Variants in AGL observed in about 807,000 individuals in gnomAD.
AGL encodes glycogen debranching enzyme.
In AGL, 128 loss-of-function variants were observed where a neutral mutation model predicts 199.3. The ratio of observed to expected loss-of-function variants is 0.64; its 90% CI spans 0.56 to 0.74. The LOEUF is 0.74. Ranked by LOEUF, AGL falls within the 30% of genes least tolerant of loss-of-function variation. The pLI, the probability that AGL is intolerant of heterozygous loss-of-function variation, is 0.00. For missense variants in AGL, 1,809 were observed against 1,820.8 expected, an observed-to-expected ratio of 0.99 and a Z score of 0.12; for synonymous variants, 584 against 594.7, an observed-to-expected ratio of 0.98 and a Z score of 0.26.
At position 99,884,572 on chromosome 1, in the gene AGL, T is replaced by C. The variant is rs750784772; in HGVS notation, c.2550T>C (p.Val850=). Residue 850 remains valine (V), a synonymous_variant, in exon 20 of 34, where the codon GTT becomes GTC. Coordinates refer to ENST00000361915, the MANE Select transcript of AGL (RefSeq NM_000642.3). ...ACTTTTTAATTAACATTTTCAGAGT[T>C]AGTCTTGATCCACATGCACAAGTCG... ...LSPGSVIIFR[V]SLDPHAQVAV... The C allele has an allele frequency of 1.2e-6, 2 of 1,613,842 alleles. No homozygotes were observed. Among genetic ancestry groups the C allele is most frequent in the South Asian group, 1.1e-5 (1 of 91,080 alleles).
At chr1:99,909,006 C>T (rs1654531139) in intron 27 of AGL, among the ~76,000 whole-genome samples, 1 of 152,088 alleles carries the variant, frequency 6.6e-6, no homozygotes. Context: ...ACTTCCTATA[C>T]AGCTTTAAAG....
At chr1:99,905,305 T>C (rs146152151) in intron 27 of AGL, among the ~76,000 whole-genome samples, 19 of 152,292 alleles carry the variant, frequency 1.2e-4, no homozygotes, top group Middle Eastern at 3.4e-3. Context: ...CAAACGATTC[T>C]TGTACCTCAG....
At chr1:99,909,218 A>G (rs1570501299) in intron 27 of AGL, among the ~76,000 whole-genome samples, 1 of 151,754 alleles carries the variant, frequency 6.6e-6, no homozygotes, top group Non-Finnish European at 1.5e-5. Flanking sequence ...CTCCCCACCC[A>G]GTTTGTGCTA....
intron 28 of AGL, 120 bp downstream of exon 28, chr1:99,910,967 C>T (rs370275144): frequency 9.8e-7 from 1 of 1,017,948 alleles, no homozygotes. Flanking sequence ...AATTTCCCTG[C>T]CTTCTTCCCT....
intron 27 of AGL, among the ~76,000 whole-genome samples, chr1:99,905,106 A>C (rs1002416207): frequency 2.6e-5 from 4 of 152,114 alleles, no homozygotes; most frequent in Admixed American, 1.3e-4. Context: ...CAAACTGGAG[A>C]GATCCAGTTT....
intron 21 of AGL, among the ~76,000 whole-genome samples, chr1:99,889,317 G>A (rs1311380381): frequency 6.6e-6 from 1 of 152,138 alleles, no homozygotes; most frequent in Middle Eastern, 3.2e-3. Flanking sequence ...AAGCACGTAA[G>A]CGGTTCTCAA....
intron 17 of AGL, 70 bp downstream of exon 17, chr1:99,881,761 G>T (rs1652051838): frequency 7.8e-7 from 1 of 1,285,330 alleles, no homozygotes; most frequent in Admixed American, 2.0e-5. Context: ...GTAATGTTAT[G>T]GTTATATATC....
In AGL at chr1:99,879,997, T is replaced by G; in HGVS notation, c.1686T>G (p.Asp562Glu). 2 of 1,613,802 alleles carry G rather than the reference T, an allele frequency of 1.2e-6. No homozygotes were observed. Among genetic ancestry groups the G allele is most frequent in the Non-Finnish European group, 1.7e-6 (2 of 1,179,820 alleles). ...CTGAACTGTTCACAGGAAGTGAAGA[T>G]CTGGACAATGTCTTTGTTACTAGAC... ...VVAELFTGSEDLDNVFVTRLG... is the reference protein window; with the variant it reads ...VVAELFTGSEELDNVFVTRLG... Residue 562 changes from aspartate to glutamate, a missense_variant, in exon 13 of 34, where the codon GAT (aspartate) becomes GAG (glutamate). Physicochemically the swap from Asp to Glu is conservative, Grantham distance 45 (BLOSUM62 2). Coordinates refer to ENST00000361915, the MANE Select transcript of AGL (RefSeq NM_000642.3).
In AGL at chr1:99,892,509, C is replaced by T. The variant is rs1339862156; in HGVS notation, c.3161C>T (p.Pro1054Leu). ...SVQLCGVGKF[P>L]SLPILSPALM... ...CAACTGTGTGGAGTAGGAAAATTCCCTTCCCTGCCAATTCTTTCACCTGCC... is the reference window on the plus strand; with the variant it reads ...CAACTGTGTGGAGTAGGAAAATTCCTTTCCCTGCCAATTCTTTCACCTGCC... The change falls in exon 24 of 34, where the codon CCT becomes CTT. Residue 1054 changes from proline to leucine, a missense_variant. Coordinates refer to ENST00000361915, the MANE Select transcript of AGL (RefSeq NM_000642.3). 2 of 1,613,620 alleles carry T rather than the reference C, an allele frequency of 1.2e-6. No individual in the cohort carries two copies. Among genetic ancestry groups the T allele is most frequent in the East Asian group, 2.2e-5 (1 of 44,808 alleles).
In AGL at chr1:99,870,568, A is replaced by T. The variant is rs1557754482; in HGVS notation, c.833A>T (p.Asp278Val). The change falls in exon 6 of 34, where the codon GAT becomes GTT. Residue 278 changes from aspartate (D) to valine (V), a missense_variant. Physicochemically the swap from Asp to Val is radical, Grantham distance 152. Coordinates refer to ENST00000361915, the MANE Select transcript of AGL (RefSeq NM_000642.3). Reference sequence around the variant, plus strand: ...GGAATACCTGCTTTGATTGAAAATGATCACCATATGAATGTCAGTATGTAC... The same window carrying T: ...GGAATACCTGCTTTGATTGAAAATGTTCACCATATGAATGTCAGTATGTAC... ...EKGIPALIEN[D>V]HHMNSIRKII... 1 of 1,614,064 alleles carries T rather than the reference A, an allele frequency of 6.2e-7. No homozygotes were observed. Among genetic ancestry groups the T allele is most frequent in the Non-Finnish European group, 8.5e-7 (1 of 1,179,956 alleles).
Position 99,864,538 on chromosome 1 carries a change from A to G in AGL, c.613A>G (p.Lys205Glu), listed in dbSNP as rs562042076. 2.5e-6 allele frequency: 4 copies of G among 1,613,970 alleles called. No homozygotes were observed. The East Asian group carries it at 6.7e-5, about 27-fold the overall frequency. The change falls in exon 5 of 34, where the codon AAA (lysine) becomes GAA (glutamate). Residue 205 changes from lysine (K) to glutamate (E), a missense_variant. By Grantham distance (56) the Lys-to-Glu change is moderately conservative. Transcript: ENST00000361915. ...TGTTGGACAGCTAGTGGAAAAATTA[A>G]AAAAGGAATGGAATGTTATTTGTAT... ...NDVGQLVEKL[K>E]KEWNVICITD...
Position 99,875,226 on chromosome 1 carries a change from G to A in AGL, c.1155G>A (p.Lys385=), listed in dbSNP as rs28730701. Residue 385 remains lysine, a synonymous_variant, in exon 9 of 34, where the codon AAG becomes AAA. Coordinates refer to ENST00000361915, the MANE Select transcript of AGL (RefSeq NM_000642.3). ...HKRMEELNSE[K]HRLINYHQEQ... is the part of the protein sequence containing the mutation. The stretch of plus-strand genomic sequence containing the variant: ...GAATGGAGGAATTAAATTCAGAGAA[G>A]CATCGACTCATTAACTATCATCAGG... 6.8e-6 allele frequency: 11 copies of A among 1,613,982 alleles called. No homozygotes were observed. In the Admixed American group the frequency reaches 1.7e-4, roughly 24 times the overall value.
chr1:99,850,779 G>T, intron 1 of AGL, 196 bp from the exon 2 acceptor site: 2 of 438,280 alleles, frequency 4.6e-6, no homozygotes, highest in South Asian at 2.6e-5. Flanking sequence ...TTTTTATTTC[G>T]GTCTTATTCG....
chr1:99,852,342 C>T (rs993878440), intron 2 of AGL, among the ~76,000 whole-genome samples: 10 of 143,284 alleles, frequency 7.0e-5, no homozygotes, highest in Admixed American at 2.2e-4. Context: ...TAATTCTGAG[C>T]ATTCATTTCT....
chr1:99,921,887 A>G lies in AGL; in HGVS notation c.*236A>G, dbSNP rs1397697473. The G allele has an allele frequency of 1.6e-5, 5 of 314,560 alleles. No individual in the cohort carries two copies. The East Asian group carries it at 2.6e-4, about 16-fold the overall frequency. 19.5% of individuals were successfully genotyped at this position (314,560 alleles called of 1,614,324 possible). On this transcript the variant is annotated 3_prime_UTR_variant, in exon 34 of 34. Coordinates refer to ENST00000361915, the MANE Select transcript of AGL (RefSeq NM_000642.3). ...TGAAATGTGTTTGAGTTCAGTAAGA[A>G]TTATTCAAATGCCTAGAAATCCATA...
In AGL at chr1:99,886,288, C is replaced by T. The variant is rs141129933; in HGVS notation, c.2681+1585C>T. 2.0e-3 allele frequency among the ~76,000 whole-genome samples: 302 copies of T among 152,174 alleles called. 1 individual carries two copies. The highest frequency in any genetic ancestry group is 6.9e-3 in the African/African-American group (288 of 41,508). ...CCCAGGAGTCCAAGACCAGCCTGGG[C>T]AACATAGTGAGACCCTATCTCTACA... On this transcript the variant is annotated intron_variant, in intron 20 of 33. Coordinates refer to ENST00000361915, the MANE Select transcript of AGL (RefSeq NM_000642.3).
chr1:99,857,078 C>T (rs1422851291), intron 2 of AGL, among the ~76,000 whole-genome samples: 2 of 150,034 alleles, frequency 1.3e-5, no homozygotes, highest in Non-Finnish European at 3.0e-5. Flanking sequence ...GCTGACCCCC[C>T]CACCTCCCTC....
intron 29 of AGL, among the ~76,000 whole-genome samples, chr1:99,912,737 C>A (rs1434364318): frequency 6.6e-6 from 1 of 152,114 alleles, no homozygotes; most frequent in Non-Finnish European, 1.5e-5. Context: ...TAGCTGTTGC[C>A]TTTATTGTGC....
rs374758994 is a variant in AGL at position 99,915,503 on chromosome 1, G to C, written c.4259+17G>C. On this transcript the variant is annotated intron_variant, in intron 31 of 33. Coordinates refer to ENST00000361915, the MANE Select transcript of AGL (RefSeq NM_000642.3). ...AGATCCAGAGTAAGTTGGAATATAA[G>C]TATTAAGAATGTTATCATATTTAAT... 1.2e-5 allele frequency: 19 copies of C among 1,560,092 alleles called. No individual in the cohort carries two copies. The highest frequency in any genetic ancestry group is 1.7e-5 in the Admixed American group (1 of 59,574).
Sources: allele counts gnomAD v4.1 joint callset (sites outside exome capture counted in the v4.1 genomes callset), GRCh38; gene constraint gnomAD v4.1.1; transcripts MANE v1.5; gene names NCBI Gene and HGNC (gene_info 2026-07-23, HGNC 2026-07-21).